The following PREX2 variants were observed in gnomAD, a reference collection of about 807,000 sequenced individuals.
PREX2 encodes phosphatidylinositol-3,4,5-trisphosphate dependent Rac exchange factor 2.
Under a neutral mutation model 203.2 loss-of-function variants are expected in PREX2, and 107 were observed. The ratio of observed to expected loss-of-function variants is 0.53; its 90% CI spans 0.45 to 0.62. The LOEUF is 0.62. Ranked by LOEUF, PREX2 falls within the 20% of genes least tolerant of loss-of-function variation. The pLI, the probability that PREX2 is intolerant of heterozygous loss-of-function variation, is 0.00. For missense variants in PREX2, 1,777 were observed against 1,955.9 expected (o/e 0.91, Z 1.72); for synonymous variants, 672 against 663.6 (o/e 1.01, Z -0.19).
At chr8:68,025,667 G>A (rs1474301859) in intron 4 of PREX2, among the ~76,000 whole-genome samples, 3 of 151,940 alleles carry the variant, frequency 2.0e-5, no homozygotes, top group African/African-American at 4.8e-5. Flanking sequence ...GGTTCCTGAT[G>A]TGCTTTCATT....
At chr8:67,999,331 C>T (rs1286452649) in intron 1 of PREX2, among the ~76,000 whole-genome samples, 2 of 151,928 alleles carry the variant, frequency 1.3e-5, no homozygotes, top group Non-Finnish European at 2.9e-5. Flanking sequence ...TCAAAGACTA[C>T]TGTGAATGTG....
intron 10 of PREX2, among the ~76,000 whole-genome samples, 187 bp from the exon 11 acceptor site, chr8:68,060,492 A>G (rs1264174949): frequency 1.3e-5 from 2 of 152,246 alleles, no homozygotes; most frequent in East Asian, 3.8e-4. Flanking sequence ...TGGGTTTTCT[A>G]GAATAGAGTT....
chr8:68,168,380 G>A (rs889095174), intron 35 of PREX2, among the ~76,000 whole-genome samples: 1 of 152,130 alleles, frequency 6.6e-6, no homozygotes, highest in African/African-American at 2.4e-5. Context: ...CTGACAAGAT[G>A]TTTTTAATAA....
At chr8:68,051,346 A>ACC (rs372447199) in intron 8 of PREX2, among the ~76,000 whole-genome samples, 2 of 151,990 alleles carry the variant, frequency 1.3e-5, no homozygotes, top group Non-Finnish European at 2.9e-5. Flanking sequence ...AAGGTATAAT[A>ACC]ACATGAGTGG....
At chr8:68,203,171 A>G (rs781444695) in intron 37 of PREX2, among the ~76,000 whole-genome samples, 1 of 152,142 alleles carries the variant, frequency 6.6e-6, no homozygotes, top group Non-Finnish European at 1.5e-5. Context: ...CTCAGTGCCT[A>G]CTGAAGCACT....
chr8:68,075,858 C>G (rs1809333180), intron 14 of PREX2, among the ~76,000 whole-genome samples: 1 of 152,040 alleles, frequency 6.6e-6, no homozygotes, highest in Non-Finnish European at 1.5e-5. Flanking sequence ...TGAGGTAGGA[C>G]CCTTATTTTG....
chr8:68,191,251 G>A (rs1251639336), intron 35 of PREX2, among the ~76,000 whole-genome samples: 9 of 152,150 alleles, frequency 5.9e-5, no homozygotes, highest in Non-Finnish European at 1.0e-4. Flanking sequence ...AGGTTTTTAT[G>A]AGCCTTCGTT....
intron 38 of PREX2, among the ~76,000 whole-genome samples, chr8:68,222,956 A>G (rs764549197): frequency 2.6e-4 from 39 of 152,340 alleles, no homozygotes; most frequent in African/African-American, 7.2e-4. Context: ...ACCAATACTT[A>G]TCAAGAGTGT....
At chr8:68,021,175 A>G (rs1807558272) in intron 3 of PREX2, among the ~76,000 whole-genome samples, 1 of 152,108 alleles carries the variant, frequency 6.6e-6, no homozygotes, top group African/African-American at 2.4e-5. Context: ...AAGGCTGTTT[A>G]TTTTGTTCCT....
At chr8:68,002,141 T>C (rs1392055337) in intron 1 of PREX2, among the ~76,000 whole-genome samples, 1 of 86,228 alleles carries the variant, frequency 1.2e-5, no homozygotes, top group Non-Finnish European at 2.7e-5. Context: ...TTTTTTCTTT[T>C]TCTTTCTTTC....
intron 1 of PREX2, among the ~76,000 whole-genome samples, chr8:67,981,072 T>A (rs1806254842): frequency 6.6e-6 from 1 of 152,174 alleles, no homozygotes; most frequent in Non-Finnish European, 1.5e-5. Flanking sequence ...TTATTTTTGA[T>A]AGGAAGTGTA....
chr8:67,966,295 G>A (rs991480119), intron 1 of PREX2, among the ~76,000 whole-genome samples: 1 of 152,068 alleles, frequency 6.6e-6, no homozygotes, highest in African/African-American at 2.4e-5. Flanking sequence ...ATTGCCTATA[G>A]TTTTACTATG....
chr8:68,137,116 G>C (rs958255673), intron 32 of PREX2, among the ~76,000 whole-genome samples: 3 of 151,974 alleles, frequency 2.0e-5, no homozygotes, highest in Non-Finnish European at 2.9e-5. Flanking sequence ...ATTTTTGTCA[G>C]GCTGGTCTTG....
chr8:68,221,482 G>A (rs1812952634), intron 38 of PREX2, among the ~76,000 whole-genome samples: 1 of 150,906 alleles, frequency 6.6e-6, no homozygotes, highest in Non-Finnish European at 1.5e-5. Flanking sequence ...GATTAAGTAA[G>A]TAAATATACT....
Position 68,187,259 on chromosome 8 carries a change from G to A in PREX2, c.4347-4463G>A, listed in dbSNP as rs143030889. Among the ~76,000 whole-genome samples, 652 of 152,066 alleles carry A rather than the reference G, an allele frequency of 4.3e-3. 17 individuals are homozygous for A. The highest frequency in any genetic ancestry group is 0.036 in the Admixed American group (548 of 15,268). On this transcript the variant is annotated intron_variant, in intron 35 of 39. Coordinates refer to ENST00000288368, the MANE Select transcript of PREX2 (RefSeq NM_024870.4). Reference sequence around the variant, plus strand: ...CTGAAAAACATTCTTTTCTTTTTAGGCCTAAATTCTACTTGCACACTGATC... The same window carrying A: ...CTGAAAAACATTCTTTTCTTTTTAGACCTAAATTCTACTTGCACACTGATC...
intron 35 of PREX2, among the ~76,000 whole-genome samples, chr8:68,177,403 A>T (rs892577491): frequency 6.6e-6 from 1 of 152,166 alleles, no homozygotes; most frequent in South Asian, 2.1e-4. Context: ...TCATCTCTAC[A>T]AAATGTTTTA....
At position 68,070,329 on chromosome 8, in the gene PREX2, A is replaced by C. The variant is rs532720433; in HGVS notation, c.1493+445A>C. Among the ~76,000 whole-genome samples, 38 of 151,900 alleles carry C rather than the reference A, an allele frequency of 2.5e-4. 1 individual carries two copies. The South Asian group carries it at 6.9e-3, about 27-fold the overall frequency. ...TCTCATAATCTTTTTTCCCAAGAAA[A>C]GATTTTGTACTTGGAAATTAAGAAT... On this transcript the variant is annotated intron_variant, in intron 13 of 39. Coordinates refer to ENST00000288368, the MANE Select transcript of PREX2 (RefSeq NM_024870.4).
chr8:68,183,246 A>G (rs1213881265), intron 35 of PREX2, among the ~76,000 whole-genome samples: 1 of 152,158 alleles, frequency 6.6e-6, no homozygotes, highest in Non-Finnish European at 1.5e-5. Flanking sequence ...GTGGAAAAAG[A>G]TCCAACCCAT....
chr8:68,151,783 G>T (rs77781368), intron 34 of PREX2, among the ~76,000 whole-genome samples: 2 of 138,872 alleles, frequency 1.4e-5, no homozygotes, highest in Non-Finnish European at 3.1e-5. Flanking sequence ...AACCTCCTAT[G>T]AAAAAAAAAA....
Sources: allele counts gnomAD v4.1 joint callset (sites outside exome capture counted in the v4.1 genomes callset), GRCh38; gene constraint gnomAD v4.1.1; transcripts MANE v1.5; gene names NCBI Gene and HGNC (gene_info 2026-07-23, HGNC 2026-07-21).